The following TNS1 variants were observed in gnomAD, a reference collection of about 807,000 sequenced individuals.
TNS1 encodes tensin-1.
A neutral mutation model predicts 168.6 loss-of-function variants in TNS1; 62 were observed. The observed-to-expected ratio is 0.37, with a 90% confidence interval of 0.30 to 0.45. The LOEUF is 0.45. Ranked by LOEUF, TNS1 falls within the 20% of genes least tolerant of loss-of-function variation. TNS1 has a pLI of 1.00. For missense variants in TNS1, 2,240 were observed against 2,339.4 expected (o/e 0.96, Z 0.88); for synonymous variants, 934 against 933.2 (o/e 1.00, Z -0.02).
intron 21 of TNS1, among the ~76,000 whole-genome samples, chr2:217,833,230 G>C (rs1316345912): frequency 1.3e-5 from 2 of 152,252 alleles, no homozygotes; most frequent in African/African-American, 4.8e-5. Context: ...GAGAGGACCA[G>C]ACAGGGCAGG....
intron 17 of TNS1, chr2:217,881,639 T>C (rs1405786065): frequency 6.6e-6 from 1 of 152,526 alleles, no homozygotes; most frequent in Non-Finnish European, 1.5e-5. Context: ...AAGTAGACGA[T>C]GGGTTGACAG....
At chr2:217,922,488 T>G (rs1028602752) in intron 3 of TNS1, among the ~76,000 whole-genome samples, 10 of 152,036 alleles carry the variant, frequency 6.6e-5, no homozygotes, top group African/African-American at 2.2e-4. Context: ...GACGGGCTGA[T>G]GCCTGCCACT....
At chr2:217,925,995 T>C (rs1387314736) in intron 3 of TNS1, among the ~76,000 whole-genome samples, 1 of 152,232 alleles carries the variant, frequency 6.6e-6, no homozygotes, top group Admixed American at 6.5e-5. Context: ...AGAATGTGAC[T>C]GTATTTGGAG....
intron 3 of TNS1, among the ~76,000 whole-genome samples, chr2:217,920,874 CTA>C (rs1271604790): frequency 6.6e-6 from 1 of 152,024 alleles, no homozygotes; most frequent in African/African-American, 2.4e-5. Flanking sequence ...TGGGAGTGAG[CTA>C]TGATCTTCAC....
upstream of TNS1, among the ~76,000 whole-genome samples, chr2:218,013,188 G>A (rs1348428129): frequency 2.0e-5 from 3 of 151,778 alleles, no homozygotes; most frequent in Admixed American, 1.3e-4. Context: ...CCCAGGAGGC[G>A]GAGGTTGCAG....
intron 19 of TNS1, among the ~76,000 whole-genome samples, chr2:217,845,931 A>G (rs983934467): frequency 2.6e-5 from 4 of 152,168 alleles, no homozygotes; most frequent in African/African-American, 9.6e-5. Flanking sequence ...TTAGGCCACC[A>G]CTCCAACCTT....
At chr2:217,909,345 T>A (rs1310179443) in intron 4 of TNS1, among the ~76,000 whole-genome samples, 1 of 152,048 alleles carries the variant, frequency 6.6e-6, no homozygotes, top group Non-Finnish European at 1.5e-5. Flanking sequence ...TCCTGACCTG[T>A]CCGCTACCCA....
chr2:217,870,607 C>T (rs1002413697), intron 18 of TNS1, among the ~76,000 whole-genome samples: 6 of 152,130 alleles, frequency 3.9e-5, no homozygotes, highest in African/African-American at 7.2e-5. Context: ...ACCCCTGCCT[C>T]GATCTGGATA....
chr2:218,001,746 T>G (rs1474899670), intron 1 of TNS1, among the ~76,000 whole-genome samples: 2 of 146,844 alleles, frequency 1.4e-5, no homozygotes, highest in Admixed American at 1.3e-4. Flanking sequence ...CCACCCTTTC[T>G]TTCTTTGCCC....
rs191273706 is a variant in TNS1 at position 217,891,043 on chromosome 2, G to T, written c.785C>A (p.Ala262Glu). 33 of 1,614,114 alleles carry T rather than the reference G, an allele frequency of 2.0e-5. 1 individual carries two copies. In the Admixed American group the frequency reaches 4.8e-4, roughly 24 times the overall value. ...TGCAAACCGGTCCAGAGCCTGGTCC[G>T]CACTGCAGGGAGAGACAGGTGGTCA... Reference protein sequence around the residue: ...YMHYSNISASADQALDRFAMK... With the variant: ...YMHYSNISASEDQALDRFAMK... The change falls in exon 12 of 33, where the codon GCG (alanine) becomes GAG (glutamate). Residue 262 changes from alanine to glutamate, a missense_variant and splice_region_variant. By Grantham distance (107) the Ala-to-Glu change is moderately radical. This residue lies in a region of TNS1 where 2,131 missense variants were observed against 2,171.2 expected (regional missense o/e 0.98). Coordinates refer to ENST00000682258, the MANE Select transcript of TNS1 (RefSeq NM_001387777.1).
chr2:217,805,807 T>C (rs1046235935), intron 32 of TNS1, among the ~76,000 whole-genome samples: 2 of 45,846 alleles, frequency 4.4e-5, no homozygotes, highest in Non-Finnish European at 9.9e-5. Context: ...AAACCATGCA[T>C]ACATACATAT....
At chr2:217,887,530 A>G (rs898912557) in intron 12 of TNS1, among the ~76,000 whole-genome samples, 2 of 151,582 alleles carry the variant, frequency 1.3e-5, no homozygotes, top group African/African-American at 4.8e-5. Context: ...CTGGTCTCAA[A>G]CTCCCAACCT....
intron 6 of TNS1, among the ~76,000 whole-genome samples, chr2:217,900,975 A>G (rs983621439): frequency 1.3e-5 from 2 of 152,126 alleles, no homozygotes; most frequent in Non-Finnish European, 2.9e-5. Context: ...AAGCTGTAAC[A>G]TCAAGTCATT....
chr2:217,850,317 C>G, intron 18 of TNS1: 1 of 985,276 alleles, frequency 1.0e-6, no homozygotes, highest in Non-Finnish European at 1.2e-6. Context: ...GGTGCTGATG[C>G]AGGGGGTTCA....
At position 217,893,557 on chromosome 2, in the gene TNS1, A is replaced by G. The variant is rs756764081; in HGVS notation, c.599T>C (p.Leu200Pro). 3 of 1,609,296 alleles carry G rather than the reference A, an allele frequency of 1.9e-6. No individual in the cohort carries two copies. Among genetic ancestry groups the G allele is most frequent in the Non-Finnish European group, 1.7e-6 (2 of 1,178,048 alleles). The change falls in exon 10 of 33, where the codon CTG (leucine) becomes CCG (proline). Residue 200 changes from leucine to proline, a missense_variant. Physicochemically the swap from Leu to Pro is moderately conservative, Grantham distance 98 (BLOSUM62 -3). This residue lies in a region of TNS1 where 2,131 missense variants were observed against 2,171.2 expected (regional missense o/e 0.98). Coordinates refer to ENST00000682258, the MANE Select transcript of TNS1 (RefSeq NM_001387777.1). The part of the protein sequence containing the change: ...PDITKLHAKV[L>P]EFGWPDLHTP... ...GTGGAGGTCGGGCCAGCCAAATTCC[A>G]GTACCTGTGGCCCAAGCCATGAGTG...
At chr2:217,887,928 T>C (rs1574959271) in intron 12 of TNS1, among the ~76,000 whole-genome samples, 1 of 152,210 alleles carries the variant, frequency 6.6e-6, no homozygotes, top group Non-Finnish European at 1.5e-5. Context: ...CAGAATGTAT[T>C]CTGAGGCTCT....
At chr2:217,968,794 A>G (rs1480711844) in intron 3 of TNS1, among the ~76,000 whole-genome samples, 1 of 151,874 alleles carries the variant, frequency 6.6e-6, no homozygotes, top group Non-Finnish European at 1.5e-5. Flanking sequence ...TCCCGGGTTC[A>G]AGAGATCTTC....
intron 3 of TNS1, among the ~76,000 whole-genome samples, chr2:217,940,235 C>G (rs1364299099): frequency 2.0e-5 from 3 of 152,200 alleles, no homozygotes; most frequent in Non-Finnish European, 4.4e-5. Context: ...CCCCAGTCTC[C>G]AAAAACCACC....
Position 217,831,493 on chromosome 2 carries a change from G to C in TNS1, c.3335C>G (p.Pro1112Arg). The C allele has an allele frequency of 6.3e-7, 1 of 1,585,940 alleles. No homozygotes were observed. Among genetic ancestry groups the C allele is most frequent in the Non-Finnish European group, 8.6e-7 (1 of 1,167,540 alleles). The change falls in exon 22 of 33, where the codon CCT (proline) becomes CGT (arginine). Residue 1112 changes from proline to arginine, a missense_variant. Around this residue, in one of 2 missense-constraint regions of TNS1, gnomAD observed 2,131 missense variants for 2,171.2 expected, o/e 0.98. Transcript: ENST00000682258. Reference sequence around the variant, plus strand: ...CAACAGGATGTCCGCTGGGTTGTGAGGTTTCAGGCCCAGAGCAGACAGGGG... The same window carrying C: ...CAACAGGATGTCCGCTGGGTTGTGACGTTTCAGGCCCAGAGCAGACAGGGG... Reference protein sequence around the residue: ...KTPLSALGLKPHNPADILLHP... With the variant: ...KTPLSALGLKRHNPADILLHP...
Sources: gnomAD v4.1 joint callset for allele counts (sites outside exome capture counted in the v4.1 genomes callset) on GRCh38, gnomAD v4.1.1 for gene constraint, gnomAD v4.1.1 regional missense constraint, MANE v1.5 for transcripts, NCBI Gene and HGNC (gene_info 2026-07-23, HGNC 2026-07-21) for gene names.